The following TMEM178B variants were observed in gnomAD, a reference collection of about 807,000 sequenced individuals.
The protein encoded by TMEM178B is transmembrane protein 178B.
TMEM178B carries 5 observed loss-of-function variants against 31.0 expected under a neutral mutation model. The observed-to-expected ratio is 0.16, with a 90% CI of 0.08 to 0.34. The LOEUF (loss-of-function observed/expected upper bound fraction) is 0.34. Among genes scored for constraint, TMEM178B ranks in the 10% least tolerant of loss-of-function variants. The probability of loss-of-function intolerance (pLI) is 1.00; values close to 1 mark genes in which losing one functional copy is unlikely to be tolerated. For missense variants in TMEM178B, 275 were observed against 400.3 expected (o/e 0.69, Z 2.67); for synonymous variants, 164 against 164.0 (o/e 1.00, Z 0.00).
intron 1 of TMEM178B, among the ~76,000 whole-genome samples, chr7:141,086,368 A>G (rs1794788231): frequency 6.6e-6 from 1 of 152,220 alleles, no homozygotes; most frequent in African/African-American, 2.4e-5. Context: ...TATTTCAAAT[A>G]TACTGTAATC....
At chr7:141,082,179 C>T (rs1794697445) in intron 1 of TMEM178B, among the ~76,000 whole-genome samples, 1 of 152,192 alleles carries the variant, frequency 6.6e-6, no homozygotes, top group African/African-American at 2.4e-5. Flanking sequence ...TTTCTCAGAA[C>T]ATATCCCTGT....
At chr7:141,153,980 A>G (rs939227875) in intron 1 of TMEM178B, among the ~76,000 whole-genome samples, 7 of 152,192 alleles carry the variant, frequency 4.6e-5, no homozygotes, top group African/African-American at 1.4e-4. Flanking sequence ...AAAAAAATCA[A>G]TTCTTTTACT....
At chr7:141,215,290 C>A (rs995817153) in intron 2 of TMEM178B, among the ~76,000 whole-genome samples, 7 of 151,130 alleles carry the variant, frequency 4.6e-5, no homozygotes, top group East Asian at 1.9e-4. Context: ...CAAGTTAATT[C>A]TTTTCATTCT....
At chr7:141,465,688 AT>A (rs1324471372) in intron 3 of TMEM178B, among the ~76,000 whole-genome samples, 1 of 152,194 alleles carries the variant, frequency 6.6e-6, no homozygotes, top group Non-Finnish European at 1.5e-5. Flanking sequence ...ACATTTTCAA[AT>A]TTGAACTTCT....
intron 2 of TMEM178B, among the ~76,000 whole-genome samples, chr7:141,411,279 A>G (rs1333601548): frequency 6.6e-6 from 1 of 152,188 alleles, no homozygotes; most frequent in East Asian, 1.9e-4. Context: ...GAGAAGATGG[A>G]GAGTTAATGC....
intron 2 of TMEM178B, among the ~76,000 whole-genome samples, chr7:141,392,689 C>T (rs1800565659): frequency 6.6e-6 from 1 of 152,012 alleles, no homozygotes; most frequent in Non-Finnish European, 1.5e-5. Context: ...AACCAAGGAT[C>T]GCACATGGCA....
At chr7:141,309,408 T>C (rs1798870769) in intron 2 of TMEM178B, among the ~76,000 whole-genome samples, 1 of 152,214 alleles carries the variant, frequency 6.6e-6, no homozygotes, top group Non-Finnish European at 1.5e-5. Context: ...ATGTTCATTG[T>C]AGACATTTGG....
intron 1 of TMEM178B, among the ~76,000 whole-genome samples, chr7:141,155,376 G>C (rs1360525900): frequency 2.0e-5 from 3 of 152,096 alleles, no homozygotes; most frequent in Non-Finnish European, 4.4e-5. Flanking sequence ...CCTGTCTGTG[G>C]GGATGGCTCT....
At chr7:141,434,621 G>A (rs1034624168) in intron 2 of TMEM178B, among the ~76,000 whole-genome samples, 1 of 152,124 alleles carries the variant, frequency 6.6e-6, no homozygotes, top group African/African-American at 2.4e-5. Flanking sequence ...TCATTTCTTG[G>A]TGATGGAAAC....
intron 1 of TMEM178B, among the ~76,000 whole-genome samples, chr7:141,163,570 T>A (rs1796213282): frequency 6.6e-6 from 1 of 150,512 alleles, no homozygotes; most frequent in South Asian, 2.1e-4. Flanking sequence ...TGGTGTGCAG[T>A]GGTGCAATCC....
intron 2 of TMEM178B, among the ~76,000 whole-genome samples, chr7:141,233,671 AGCC>A (rs1433124602): frequency 6.6e-6 from 1 of 152,164 alleles, no homozygotes; most frequent in Non-Finnish European, 1.5e-5. Flanking sequence ...GTTTATATAG[AGCC>A]CTGAGCACTT....
the TMEM178B span, among the ~76,000 whole-genome samples, chr7:141,508,540 A>C: frequency 6.6e-6 from 1 of 152,190 alleles, no homozygotes; most frequent in African/African-American, 2.4e-5. Flanking sequence ...AATTTACTGT[A>C]TTAGTCCGTT....
intron 1 of TMEM178B, among the ~76,000 whole-genome samples, chr7:141,147,145 A>G (rs1795865965): frequency 2.0e-5 from 3 of 152,160 alleles, no homozygotes; most frequent in Non-Finnish European, 4.4e-5. Context: ...AGGGTTTTGG[A>G]GAAGCATAGT....
intron 1 of TMEM178B, among the ~76,000 whole-genome samples, chr7:141,129,134 G>T (rs1042390150): frequency 6.6e-6 from 1 of 152,160 alleles, no homozygotes. Context: ...TGCCCTTGAG[G>T]GTACGGATTG....
chr7:141,438,891 A>C (rs1801605588), intron 3 of TMEM178B, among the ~76,000 whole-genome samples: 1 of 144,546 alleles, frequency 6.9e-6, no homozygotes, highest in South Asian at 2.2e-4. Flanking sequence ...AAAAGAAAGA[A>C]AAAGAAAAAA....
intron 2 of TMEM178B, among the ~76,000 whole-genome samples, chr7:141,354,895 T>A (rs183824077): frequency 3.5e-4 from 54 of 152,368 alleles, no homozygotes; most frequent in African/African-American, 1.3e-3. Context: ...TTCTGTGAAC[T>A]GATTTTGAAT....
intron 2 of TMEM178B, among the ~76,000 whole-genome samples, chr7:141,396,681 A>G (rs1001258585): frequency 6.6e-6 from 1 of 152,222 alleles, no homozygotes; most frequent in Non-Finnish European, 1.5e-5. Context: ...GAAGAGAAAA[A>G]TGGGATAAGG....
intron 2 of TMEM178B, among the ~76,000 whole-genome samples, chr7:141,382,185 C>T (rs1440924809): frequency 6.6e-6 from 1 of 152,202 alleles, no homozygotes; most frequent in Non-Finnish European, 1.5e-5. Flanking sequence ...AATCATGTGT[C>T]AGTCCCCTGT....
intron 1 of TMEM178B, among the ~76,000 whole-genome samples, chr7:141,112,003 A>G (rs758617059): frequency 1.3e-5 from 2 of 152,198 alleles, no homozygotes; most frequent in Non-Finnish European, 2.9e-5. Context: ...TAGAAGTATT[A>G]AGGATACACA....
Sources: gnomAD v4.1 joint callset for allele counts (sites outside exome capture counted in the v4.1 genomes callset) on GRCh38, gnomAD v4.1.1 for gene constraint, MANE v1.5 for transcripts, NCBI Gene and HGNC (gene_info 2026-07-23, HGNC 2026-07-21) for gene names.